Variants in LMO3 observed in about 807,000 individuals in gnomAD.
The protein encoded by LMO3 is LIM domain only 3, also known as LIM domain only protein 3.
Under a neutral mutation model 15.8 loss-of-function variants are expected in LMO3, and 2 were observed. The observed-to-expected ratio is 0.13, with a 90% CI of 0.05 to 0.40. LMO3 has a LOEUF of 0.40. Among genes scored for constraint, LMO3 ranks in the 10% least tolerant of loss-of-function variants. The pLI, the probability that LMO3 is intolerant of heterozygous loss-of-function variation, is 0.99. For missense variants in LMO3, 86 were observed against 182.2 expected (o/e 0.47, Z 3.04); for synonymous variants, 62 against 63.8 (o/e 0.97, Z 0.13).
chr12:16,595,348 A>G (rs959171914), intron 2 of LMO3, among the ~76,000 whole-genome samples: 12 of 151,480 alleles, frequency 7.9e-5, no homozygotes, highest in African/African-American at 2.9e-4. Flanking sequence ...AAAGATAGAA[A>G]GATATTGCAG....
At chr12:16,554,198 C>A (rs1160104119) in intron 3 of LMO3, among the ~76,000 whole-genome samples, 1 of 152,048 alleles carries the variant, frequency 6.6e-6, no homozygotes, top group Non-Finnish European at 1.5e-5. Context: ...AGTAAATCAT[C>A]CTTATAAAAT....
At chr12:16,552,932 G>A (rs563243648) in intron 3 of LMO3, among the ~76,000 whole-genome samples, 1 of 143,286 alleles carries the variant, frequency 7.0e-6, no homozygotes, top group African/African-American at 2.4e-5. Flanking sequence ...AACCAGTAGG[G>A]TCCAAACTCT....
At position 16,603,738 on chromosome 12, in the gene LMO3, C is replaced by T. The variant is rs1017201195; in HGVS notation, c.-9+2328G>A. 2.6e-5 allele frequency among the ~76,000 whole-genome samples: 4 copies of T among 152,110 alleles called. No homozygotes were observed. The highest frequency in any genetic ancestry group is 5.9e-5 in the Non-Finnish European group (4 of 68,034). On this transcript the variant is annotated intron_variant, in intron 1 of 3. Transcript: ENST00000537304. This position sits in a 1 kb window ranked among gnomAD's most constrained non-coding sequence, Gnocchi z 4.9. ...TGTGAAGCGGCCTAACGGTTGATTG[C>T]CTCCATTATGTTCCCTTGTTCTGTA...
rs1439229438 is a variant in LMO3, at chr12:16,589,073, G to A, written c.206+11582C>T. Among the ~76,000 whole-genome samples the A allele has an allele frequency of 6.6e-6, 1 of 152,088 alleles. No individual in the cohort carries two copies. Among genetic ancestry groups the A allele is most frequent in the African/African-American group, 2.4e-5 (1 of 41,412 alleles). On this transcript the variant is annotated intron_variant, in intron 2 of 3. Coordinates refer to ENST00000537304, the MANE Select transcript of LMO3 (RefSeq NM_018640.5). This position sits in a 1 kb window ranked among gnomAD's most constrained non-coding sequence, Gnocchi z 4.2. ...AGCTGGGGTGTAGCAGAAGGGGGTC[G>A]ACGTCAGGTCTGGATACCTCACCGT...
intron 2 of LMO3, among the ~76,000 whole-genome samples, chr12:16,581,784 G>A (rs943302088): frequency 6.6e-5 from 10 of 151,712 alleles, no homozygotes; most frequent in African/African-American, 1.9e-4. Flanking sequence ...GAACTCTAAA[G>A]CATATATATT....
Position 16,560,339 on chromosome 12 carries a change from T to G in LMO3, c.332+74A>C. The G allele has an allele frequency of 6.8e-7, 1 of 1,472,768 alleles. No homozygotes were observed. Among genetic ancestry groups the G allele is most frequent in the Non-Finnish European group, 9.2e-7 (1 of 1,085,416 alleles). 91.2% of individuals were successfully genotyped at this position (1,472,768 alleles called of 1,614,324 possible). On this transcript the variant is annotated intron_variant, in intron 3 of 3. Transcript: ENST00000537304. The surrounding 1 kb of genome is among the most constrained non-coding windows in gnomAD (Gnocchi z 5.0). Reference sequence around the variant, plus strand: ...GATTGCTTTAAATGTATGAATATAATTTCCACCTATTAAATAAATAGCCAG... The same window carrying G: ...GATTGCTTTAAATGTATGAATATAAGTTCCACCTATTAAATAAATAGCCAG...
Position 16,585,876 on chromosome 12 carries a change from A to G in LMO3, c.206+14779T>C, listed in dbSNP as rs1020391913. 6.6e-6 allele frequency among the ~76,000 whole-genome samples: 1 copy of G among 152,224 alleles called. No homozygotes were observed. The highest frequency in any genetic ancestry group is 1.5e-5 in the Non-Finnish European group (1 of 68,032). ...CAACATGTATATGATTCACAGGCCC[A>G]AGTAAAACATCATTTAGTCATTTAT... On this transcript the variant is annotated intron_variant, in intron 2 of 3. Coordinates refer to ENST00000537304, the MANE Select transcript of LMO3 (RefSeq NM_018640.5). This position sits in a 1 kb window ranked among gnomAD's most constrained non-coding sequence, Gnocchi z 4.7.
chr12:16,591,740 A>C lies in LMO3; in HGVS notation c.206+8915T>G, dbSNP rs969680366. Among the ~76,000 whole-genome samples, 2 of 152,110 alleles carry C rather than the reference A, an allele frequency of 1.3e-5. No homozygotes were observed. The highest frequency in any genetic ancestry group is 4.8e-5 in the African/African-American group (2 of 41,446). ...GAGATGGAACAATACAAATAGCATGAAAGTTACAAGCTAAGTCTGTCTTGC... is the reference window on the plus strand; with the variant it reads ...GAGATGGAACAATACAAATAGCATGCAAGTTACAAGCTAAGTCTGTCTTGC... On this transcript the variant is annotated intron_variant, in intron 2 of 3. Transcript: ENST00000537304. The surrounding 1 kb of genome is among the most constrained non-coding windows in gnomAD (Gnocchi z 4.1).
chr12:16,597,656 A>G lies in LMO3; in HGVS notation c.206+2999T>C, dbSNP rs1032899654. On this transcript the variant is annotated intron_variant, in intron 2 of 3. Transcript: ENST00000537304. This position sits in a 1 kb window ranked among gnomAD's most constrained non-coding sequence, Gnocchi z 5.0. The stretch of plus-strand genomic sequence containing the variant: ...AAATTACTATTTTATTACTTTCCTT[A>G]TTCTTACTTATGTTCTTAATAATTT... The G allele has an allele frequency of 4.6e-5, 7 of 151,928 alleles. No homozygotes were observed. Among genetic ancestry groups the G allele is most frequent in the Non-Finnish European group, 1.0e-4 (7 of 67,848 alleles). The allele number at this position is 151,928 out of a possible 1,614,324, so 9.4% of individuals were successfully genotyped here.
At chr12:16,588,888 TAAC>T (rs1305614890) in intron 2 of LMO3, among the ~76,000 whole-genome samples, 4 of 152,214 alleles carry the variant, frequency 2.6e-5, no homozygotes, top group Admixed American at 2.6e-4. Flanking sequence ...TCTCCCTTCA[TAAC>T]AACAGAAGCT....
chr12:16,579,070 T>C (rs886130400), intron 2 of LMO3, among the ~76,000 whole-genome samples: 9 of 152,168 alleles, frequency 5.9e-5, no homozygotes, highest in Admixed American at 5.9e-4. Context: ...AAACACTCTC[T>C]AGAGCTTAGT....
chr12:16,554,859 C>T (rs1406774175), intron 3 of LMO3, among the ~76,000 whole-genome samples: 4 of 152,138 alleles, frequency 2.6e-5, no homozygotes, highest in South Asian at 2.1e-4. Flanking sequence ...GGGGTTTCAC[C>T]GTGTTAGCCA....
chr12:16,560,571 ACT>A lies in LMO3; in HGVS notation c.207-35_207-34del. The A allele has an allele frequency of 1.3e-6, 2 of 1,586,106 alleles. No homozygotes were observed. Among genetic ancestry groups the A allele is most frequent in the East Asian group, 2.2e-5 (1 of 44,552 alleles). ...AAGAAACATTTTTTTTTTTTTACAA[ACT>A]CTTACAGAGAAATCTGAGATCGTGA... On this transcript the variant is annotated intron_variant, in intron 2 of 3. Coordinates refer to ENST00000537304, the MANE Select transcript of LMO3 (RefSeq NM_018640.5). This position sits in a 1 kb window ranked among gnomAD's most constrained non-coding sequence, Gnocchi z 5.0.
rs142570675 is a variant in LMO3 at position 16,569,876 on chromosome 12, A to G, written c.207-9338T>C. 3.1e-3 allele frequency among the ~76,000 whole-genome samples: 476 copies of G among 152,274 alleles called. 2 individuals carry two copies. The highest frequency in any genetic ancestry group is 4.7e-3 in the Non-Finnish European group (321 of 67,990). ...GTACTAAAACAGAAATATTTTAACT[A>G]TATCTTTAAAGTAATAGAAACAAAT... is the stretch of plus-strand genomic sequence containing the variant. On this transcript the variant is annotated intron_variant, in intron 2 of 3. Transcript: ENST00000537304.
intron 2 of LMO3, among the ~76,000 whole-genome samples, chr12:16,588,480 G>A (rs1257151429): frequency 6.6e-6 from 1 of 151,796 alleles, no homozygotes; most frequent in East Asian, 1.9e-4. Flanking sequence ...TGCTTTACAA[G>A]GCCATAGAAC....
chr12:16,590,515 C>T (rs754427896), intron 2 of LMO3, among the ~76,000 whole-genome samples: 10 of 151,746 alleles, frequency 6.6e-5, no homozygotes, highest in Non-Finnish European at 1.5e-4. Flanking sequence ...GAATATCACC[C>T]CTCAGACCTA....
At chr12:16,570,208 G>A (rs1942768109) in intron 2 of LMO3, among the ~76,000 whole-genome samples, 1 of 152,056 alleles carries the variant, frequency 6.6e-6, no homozygotes. Context: ...ATTGAATAGG[G>A]TTTTCTAGGT....
Position 16,598,454 on chromosome 12 carries a change from T to A in LMO3, c.206+2201A>T, listed in dbSNP as rs768214757. The A allele has an allele frequency of 6.6e-6, 1 of 152,126 alleles. No homozygotes were observed. Among genetic ancestry groups the A allele is most frequent in the African/African-American group, 2.4e-5 (1 of 41,440 alleles). The allele number at this position is 152,126 out of a possible 1,614,324, so 9.4% of individuals were successfully genotyped here. ...GCCATTAATGTGGTAATGACCAATT[T>A]AAGCGGAAATCGTACTCTGAGAAAT... On this transcript the variant is annotated intron_variant, in intron 2 of 3. Coordinates refer to ENST00000537304, the MANE Select transcript of LMO3 (RefSeq NM_018640.5). This position sits in a 1 kb window ranked among gnomAD's most constrained non-coding sequence, Gnocchi z 4.3.
intron 2 of LMO3, among the ~76,000 whole-genome samples, chr12:16,578,860 A>AACAAC (rs1565497758): frequency 2.7e-5 from 4 of 147,842 alleles, no homozygotes; most frequent in Non-Finnish European, 6.0e-5. Flanking sequence ...ACAACAACAA[A>AACAAC]ACATTAATTC....
Sources: allele counts gnomAD v4.1 joint callset (sites outside exome capture counted in the v4.1 genomes callset), GRCh38; gene constraint gnomAD v4.1.1; non-coding constraint Gnocchi (gnomAD v3.1); transcripts MANE v1.5; gene names NCBI Gene and HGNC (gene_info 2026-07-23, HGNC 2026-07-21).